The following RRAGD variants were observed in gnomAD, a reference collection of about 807,000 sequenced individuals.
The protein encoded by RRAGD is ras-related GTP-binding protein D.
In RRAGD, 12 loss-of-function variants were observed where a neutral mutation model predicts 35.5. The ratio of observed to expected loss-of-function variants is 0.34; its 90% CI spans 0.22 to 0.55. RRAGD has a LOEUF of 0.55. RRAGD is among the 20% of genes least tolerant of loss of function. The pLI is 0.91. For missense variants in RRAGD, 324 were observed against 490.1 expected, an observed-to-expected ratio of 0.66 and a Z score of 3.20; for synonymous variants, 155 against 178.9, an observed-to-expected ratio of 0.87 and a Z score of 1.07.
intron 2 of RRAGD, among the ~76,000 whole-genome samples, chr6:89,385,210 T>G (rs1769119382): frequency 6.6e-6 from 1 of 152,180 alleles, no homozygotes; most frequent in Non-Finnish European, 1.5e-5. Flanking sequence ...TAAAAATAGA[T>G]TACACTGTAA....
rs1769700340 is a variant in RRAGD at position 89,411,791 on chromosome 6, G to A, written c.148+55C>T. ...CGCACGGCCGGGCTGGGGGCGGGAA[G>A]GCGCCAAGGGGAGGAAAGGGGCGCG... On this transcript the variant is annotated intron_variant, in intron 1 of 6. Transcript: ENST00000369415. This position sits in a 1 kb window ranked among gnomAD's most constrained non-coding sequence, Gnocchi z 5.6. 2.7e-6 allele frequency: 4 copies of A among 1,506,678 alleles called. No homozygotes were observed. Among genetic ancestry groups the A allele is most frequent in the Admixed American group, 2.0e-5 (1 of 49,798 alleles). 93.3% of individuals were successfully genotyped at this position (1,506,678 alleles called of 1,614,324 possible). A position where few individuals can be genotyped will look rare whatever the true frequency, so the allele number is the denominator to read the frequency against.
Position 89,411,813 on chromosome 6 carries a change from C to A in RRAGD, c.148+33G>T. 6.5e-7 allele frequency: 1 copy of A among 1,532,534 alleles called. No individual in the cohort carries two copies. The highest frequency in any genetic ancestry group is 8.7e-7 in the Non-Finnish European group (1 of 1,144,344). 94.9% of individuals were successfully genotyped at this position (1,532,534 alleles called of 1,614,324 possible). The stretch of plus-strand genomic sequence containing the variant: ...GAAGGCGCCAAGGGGAGGAAAGGGG[C>A]GCGAGCCGAGGACGCGGGGGCCGGG... On this transcript the variant is annotated intron_variant, in intron 1 of 6. Transcript: ENST00000369415. The surrounding 1 kb of genome is among the most constrained non-coding windows in gnomAD (Gnocchi z 5.6).
At chr6:89,395,340 C>A (rs967334922) in intron 1 of RRAGD, among the ~76,000 whole-genome samples, 3 of 152,150 alleles carry the variant, frequency 2.0e-5, no homozygotes, top group Non-Finnish European at 2.9e-5. Context: ...ACTGCTTGAG[C>A]CCAGGGGTTT....
In RRAGD at chr6:89,376,310, T is replaced by C. The variant is rs199936830; in HGVS notation, c.902+1361A>G. ...TTTCCATGTGTGTGTGGTGTGTGTG[T>C]GTGTGTGTGTGTGTGTGTGTGTGTG... is the stretch of plus-strand genomic sequence containing the variant. On this transcript the variant is annotated intron_variant, in intron 5 of 6. Transcript: ENST00000369415. Among the ~76,000 whole-genome samples, 1,152 of 122,584 alleles carry C rather than the reference T, an allele frequency of 9.4e-3. 11 individuals are homozygous for C. Among genetic ancestry groups the C allele is most frequent in the African/African-American group, 0.036 (1,070 of 29,358 alleles). 80.4% of individuals were successfully genotyped at this position (122,584 alleles called of 152,430 possible). A position where few individuals can be genotyped will look rare whatever the true frequency, so the allele number is the denominator to read the frequency against.
Position 89,411,335 on chromosome 6 carries a change from TG to T in RRAGD, c.148+510del, listed in dbSNP as rs1769687549. The T allele has an allele frequency of 6.6e-6, 1 of 152,522 alleles. No individual in the cohort carries two copies. The highest frequency in any genetic ancestry group is 2.4e-5 in the African/African-American group (1 of 41,466). 9.4% of individuals were successfully genotyped at this position (152,522 alleles called of 1,614,324 possible). On this transcript the variant is annotated intron_variant, in intron 1 of 6. Coordinates refer to ENST00000369415, the MANE Select transcript of RRAGD (RefSeq NM_021244.5). The surrounding 1 kb of genome is among the most constrained non-coding windows in gnomAD (Gnocchi z 5.6). Reference sequence around the variant, plus strand: ...CCCGCGGGTCTCCCCAGCCACTACCTGGGTGGGCCCCTCCCGCGGCGACGCG... The same window carrying T: ...CCCGCGGGTCTCCCCAGCCACTACCTGGTGGGCCCCTCCCGCGGCGACGCG...
intron 1 of RRAGD, among the ~76,000 whole-genome samples, chr6:89,405,472 A>C (rs1769561047): frequency 6.6e-6 from 1 of 151,880 alleles, no homozygotes; most frequent in African/African-American, 2.4e-5. Context: ...TCCATTTACT[A>C]GCTATGTGAC....
In RRAGD at chr6:89,411,984, C is replaced by T; in HGVS notation, c.10G>A (p.Val4Met). Residue 4 changes from valine (V) to methionine (M), a missense_variant, in exon 1 of 7, where the codon GTG becomes ATG. By Grantham distance (21) the Val-to-Met change is conservative. Coordinates refer to ENST00000369415, the MANE Select transcript of RRAGD (RefSeq NM_021244.5). This position sits in a 1 kb window ranked among gnomAD's most constrained non-coding sequence, Gnocchi z 5.6. Reference sequence around the variant, plus strand: ...TCCTGCGGCTGCGGCTTCCCCAGCACCTGGCTCATCGTGCCCACCGGCCGG... The same window carrying T: ...TCCTGCGGCTGCGGCTTCCCCAGCATCTGGCTCATCGTGCCCACCGGCCGG... MSQVLGKPQPQDED... is the reference protein window; with the variant it reads MSQMLGKPQPQDED... 1 of 1,532,758 alleles carries T rather than the reference C, an allele frequency of 6.5e-7. No homozygotes were observed. The highest frequency in any genetic ancestry group is 8.7e-7 in the Non-Finnish European group (1 of 1,144,588). 94.9% of individuals were successfully genotyped at this position (1,532,758 alleles called of 1,614,324 possible).
In RRAGD at chr6:89,364,886, T is replaced by C. The variant is rs1413182512; in HGVS notation, c.*3170A>G. 6.6e-6 allele frequency: 1 copy of C among 152,212 alleles called. No homozygotes were observed. The highest frequency in any genetic ancestry group is 1.5e-5 in the Non-Finnish European group (1 of 68,020). 9.4% of individuals were successfully genotyped at this position (152,212 alleles called of 1,614,324 possible). The stretch of plus-strand genomic sequence containing the variant: ...AAGCATGAACCTAGGACACATGCTT[T>C]TAAATTGGCAGTTAACATTCTTGAA... On this transcript the variant is annotated 3_prime_UTR_variant, in exon 7 of 7. Transcript: ENST00000369415.
Position 89,366,994 on chromosome 6 carries a change from C to T in RRAGD, c.*1062G>A, listed in dbSNP as rs1768762798. The T allele has an allele frequency of 6.6e-6, 1 of 152,190 alleles. No individual in the cohort carries two copies. The highest frequency in any genetic ancestry group is 6.5e-5 in the Admixed American group (1 of 15,276). The allele number at this position is 152,190 out of a possible 1,614,324, so 9.4% of individuals were successfully genotyped here. A position where few individuals can be genotyped will look rare whatever the true frequency, so the allele number is the denominator to read the frequency against. Reference sequence around the variant, plus strand: ...ATGTGGAGGTGACAAAAGTGACTAACAGGATTGAGCTCCATGGTGGGGTTC... The same window carrying T: ...ATGTGGAGGTGACAAAAGTGACTAATAGGATTGAGCTCCATGGTGGGGTTC... On this transcript the variant is annotated 3_prime_UTR_variant, in exon 7 of 7. Transcript: ENST00000369415.
At chr6:89,410,423 G>A (rs1769671500) in intron 1 of RRAGD, among the ~76,000 whole-genome samples, 1 of 152,186 alleles carries the variant, frequency 6.6e-6, no homozygotes, top group African/African-American at 2.4e-5. Context: ...GAATAATAAT[G>A]AGGCGACTGA....
rs1769692755 is a variant in RRAGD at position 89,411,525 on chromosome 6, T to A, written c.148+321A>T. 3.1e-6 allele frequency: 1 copy of A among 319,418 alleles called. No homozygotes were observed. Among genetic ancestry groups the A allele is most frequent in the Non-Finnish European group, 5.9e-6 (1 of 170,148 alleles). The allele number at this position is 319,418 out of a possible 1,614,324, so 19.8% of individuals were successfully genotyped here. On this transcript the variant is annotated intron_variant, in intron 1 of 6. Transcript: ENST00000369415. The surrounding 1 kb of genome is among the most constrained non-coding windows in gnomAD (Gnocchi z 5.6). ...CCTCCCCTCCCCAACCGCCAGACGC[T>A]GCGGAGAGCTTGGGGTGAGGGGCGC...
At chr6:89,372,368 CA>C in intron 6 of RRAGD, 68 bp downstream of exon 6, 1 of 1,495,996 alleles carries the variant, frequency 6.7e-7, no homozygotes, top group African/African-American at 1.4e-5. Context: ...CCACATTCAA[CA>C]AACAATACAT....
Position 89,379,357 on chromosome 6 carries a change from T to G in RRAGD, c.645-19A>C. ...ATAAAAGCTGAAAGAGGAAACGGTA[T>G]TTCATCATGTTTTCCCTTTGAATGA... On this transcript the variant is annotated intron_variant, in intron 3 of 6. Coordinates refer to ENST00000369415, the MANE Select transcript of RRAGD (RefSeq NM_021244.5). 40 of 1,295,186 alleles carry G rather than the reference T, an allele frequency of 3.1e-5. No homozygotes were observed. The highest frequency in any genetic ancestry group is 4.0e-5 in the Non-Finnish European group (36 of 904,810). The allele number at this position is 1,295,186 out of a possible 1,614,324, so 80.2% of individuals were successfully genotyped here.
chr6:89,405,818 C>G (rs1769568284), intron 1 of RRAGD, among the ~76,000 whole-genome samples: 1 of 152,130 alleles, frequency 6.6e-6, no homozygotes. Context: ...TTCTCTGTGG[C>G]TCCTTTAAAT....
intron 1 of RRAGD, among the ~76,000 whole-genome samples, chr6:89,397,640 ACAACC>A (rs1265937983): frequency 1.3e-5 from 2 of 152,070 alleles, no homozygotes; most frequent in African/African-American, 4.8e-5. Flanking sequence ...AAACCTGTAA[ACAACC>A]CAAAAGTCCA....
chr6:89,368,121 C>T lies in RRAGD; in HGVS notation c.1138G>A (p.Val380Ile), dbSNP rs917789036. 6.2e-6 allele frequency: 10 copies of T among 1,613,964 alleles called. No individual in the cohort carries two copies. The highest frequency in any genetic ancestry group is 8.5e-6 in the Non-Finnish European group (10 of 1,179,892). Residue 380 changes from valine (V) to isoleucine (I), a missense_variant, in exon 7 of 7, where the codon GTT becomes ATT. By Grantham distance (29) the Val-to-Ile change is conservative (BLOSUM62 3). This residue lies in a region of RRAGD where 68 missense variants were observed against 76.8 expected (regional missense o/e 0.89). Transcript: ENST00000369415. ...VRMKVVKSRK[V>I]QNRLQKKKRA... ...TTTTTCTTCTGCAGCCGATTCTGAA[C>T]CTTTCGAGATTTTACTACTTTCATT...
At chr6:89,377,046 A>C (rs941432976) in intron 5 of RRAGD, among the ~76,000 whole-genome samples, 2 of 152,210 alleles carry the variant, frequency 1.3e-5, no homozygotes, top group African/African-American at 4.8e-5. Context: ...CTTCCATTTA[A>C]TAAATAGTAA....
chr6:89,377,867 T>C, intron 4 of RRAGD, 54 bp from the exon 5 acceptor site: 2 of 1,354,500 alleles, frequency 1.5e-6, no homozygotes, highest in South Asian at 2.7e-5. Context: ...TCAGACCATG[T>C]CATGACTACA....
chr6:89,405,573 C>T (rs1018240456), intron 1 of RRAGD, among the ~76,000 whole-genome samples: 1 of 151,884 alleles, frequency 6.6e-6, no homozygotes, highest in Non-Finnish European at 1.5e-5. Flanking sequence ...CACACAAGGA[C>T]ACACGCACAG....
Sources: allele counts gnomAD v4.1 joint callset (sites outside exome capture counted in the v4.1 genomes callset), GRCh38; gene constraint gnomAD v4.1.1; regional missense constraint gnomAD v4.1.1; non-coding constraint Gnocchi (gnomAD v3.1); transcripts MANE v1.5; gene names NCBI Gene and HGNC (gene_info 2026-07-23, HGNC 2026-07-21).